The following AR variants were observed in gnomAD, a reference collection of about 807,000 sequenced individuals.
AR encodes dihydrotestosterone receptor.
In AR, 8 loss-of-function variants were observed where a neutral mutation model predicts 53.9. That is an observed-to-expected ratio of 0.15 (90% CI 0.09 to 0.27). The LOEUF (loss-of-function observed/expected upper bound fraction) is 0.27. Ranked by LOEUF, AR falls within the 10% of genes least tolerant of loss-of-function variation. The pLI, the probability that AR is intolerant of heterozygous loss-of-function variation, is 1.00. For missense variants in AR, 639 were observed against 742.5 expected (o/e 0.86, Z 1.62); for synonymous variants, 359 against 316.4 (o/e 1.13, Z -1.43).
At chrX:67,607,957 C>T (rs1923707384) in intron 1 of AR, among the ~76,000 whole-genome samples, 1 of 111,873 alleles carries the variant, frequency 8.9e-6, no homozygotes, top group East Asian at 2.8e-4. Context: ...CATGTGCAAG[C>T]TGAATTTGGG....
chrX:67,547,767 A>G (rs1444997436), intron 1 of AR, among the ~76,000 whole-genome samples: 1 of 111,802 alleles, frequency 8.9e-6, no homozygotes, highest in Non-Finnish European at 1.9e-5. Context: ...ACATGTTTGC[A>G]TTTTAGAATA....
At position 67,546,417 on chromosome X, in the gene AR, C is replaced by A. The variant is rs780162524; in HGVS notation, c.1271C>A (p.Ser424Tyr). Residue 424 changes from serine to tyrosine, a missense_variant, in exon 1 of 8, where the codon TCT becomes TAT. Physicochemically the swap from Ser to Tyr is moderately radical, Grantham distance 144. This residue lies in a region of AR where 423 missense variants were observed against 377.0 expected (regional missense o/e 1.12). Transcript: ENST00000374690. ...LHGAGAAGPG[S>Y]GSPSAAASSS... Reference sequence around the variant, plus strand: ...GGCGCGGGTGCAGCGGGACCCGGTTCTGGGTCACCCTCAGCCGCCGCTTCC... The same window carrying A: ...GGCGCGGGTGCAGCGGGACCCGGTTATGGGTCACCCTCAGCCGCCGCTTCC... The A allele has an allele frequency of 7.6e-6, 9 of 1,185,366 alleles. No individual in the cohort carries two copies. The South Asian group carries it at 1.3e-4, about 17-fold the overall frequency.
At chrX:67,652,367 A>T (rs1926384754) in intron 2 of AR, among the ~76,000 whole-genome samples, 1 of 111,760 alleles carries the variant, frequency 8.9e-6, no homozygotes, top group African/African-American at 3.3e-5. Flanking sequence ...TACTTACAGG[A>T]TGGTTGATTT....
intron 1 of AR, among the ~76,000 whole-genome samples, chrX:67,639,924 T>C: frequency 8.9e-6 from 1 of 111,760 alleles, no homozygotes; most frequent in South Asian, 3.8e-4. Flanking sequence ...CTTCCAGTTT[T>C]TGACCATTCA....
At chrX:67,566,134 A>AT (rs1304113412) in intron 1 of AR, among the ~76,000 whole-genome samples, 9 of 111,910 alleles carry the variant, frequency 8.0e-5, no homozygotes, top group Non-Finnish European at 1.5e-4. Flanking sequence ...ACTTGTGAAA[A>AT]TTTTTTTTCA....
intron 1 of AR, among the ~76,000 whole-genome samples, chrX:67,547,163 C>T (rs1329250289): frequency 1.8e-5 from 2 of 111,728 alleles, no homozygotes. Context: ...GCAATTTCTC[C>T]TCTTCAGGTC....
Position 67,545,042 on chromosome X carries a change from T to C in AR, c.-105T>C, listed in dbSNP as rs1329973565. The C allele has an allele frequency of 9.3e-7, 1 of 1,069,940 alleles. No homozygotes were observed. The highest frequency in any genetic ancestry group is 1.2e-6 in the Non-Finnish European group (1 of 816,773). The allele number at this position is 1,069,940 out of a possible 1,213,427, so 88.2% of individuals were successfully genotyped here. ...CTGGAGCTTCCCGCAGGTGGGCAGCTAGCTGCAGCGACTACCGCATCATCA... is the reference window on the plus strand; with the variant it reads ...CTGGAGCTTCCCGCAGGTGGGCAGCCAGCTGCAGCGACTACCGCATCATCA... On this transcript the variant is annotated 5_prime_UTR_variant, in exon 1 of 8. Transcript: ENST00000374690.
At chrX:67,647,556 G>A in intron 2 of AR, among the ~76,000 whole-genome samples, 1 of 111,999 alleles carries the variant, frequency 8.9e-6, no homozygotes, top group South Asian at 3.7e-4. Flanking sequence ...CTGCTAAGAG[G>A]ATCTGCTTGC....
At chrX:67,630,648 T>A (rs1925033443) in intron 1 of AR, among the ~76,000 whole-genome samples, 1 of 111,122 alleles carries the variant, frequency 9.0e-6, no homozygotes, top group African/African-American at 3.3e-5. Context: ...CATTTAAAGT[T>A]AATATTGTTA....
chrX:67,582,572 C>A (rs992998970), intron 1 of AR, among the ~76,000 whole-genome samples: 2 of 111,406 alleles, frequency 1.8e-5, no homozygotes, highest in Non-Finnish European at 3.8e-5. Flanking sequence ...CTCCAGAGGA[C>A]CTTTAAGCAT....
intron 2 of AR, among the ~76,000 whole-genome samples, chrX:67,683,875 G>GAA (rs201630209): frequency 3.2e-5 from 3 of 95,113 alleles, no homozygotes; most frequent in African/African-American, 1.1e-4. Flanking sequence ...GTTCCAAATT[G>GAA]AAAAAAAAAA....
intron 3 of AR, among the ~76,000 whole-genome samples, chrX:67,711,145 G>T (rs2076092037): frequency 8.9e-6 from 1 of 112,316 alleles, no homozygotes; most frequent in African/African-American, 3.2e-5. Flanking sequence ...TGGATCCAAG[G>T]ATATGCTAGG....
At chrX:67,599,784 A>G (rs913059636) in intron 1 of AR, among the ~76,000 whole-genome samples, 4 of 112,604 alleles carry the variant, frequency 3.6e-5, no homozygotes, top group Non-Finnish European at 7.5e-5. Flanking sequence ...ACAAAGCTGA[A>G]TGATGATTTG....
chrX:67,647,257 A>G (rs970875404), intron 2 of AR, among the ~76,000 whole-genome samples: 22 of 112,144 alleles, frequency 2.0e-4, no homozygotes, highest in African/African-American at 6.5e-4. Flanking sequence ...TCAAAGAATT[A>G]CACCATCCTC....
chrX:67,692,397 C>G (rs755912976), intron 3 of AR, among the ~76,000 whole-genome samples: 26 of 112,406 alleles, frequency 2.3e-4, no homozygotes, highest in Non-Finnish European at 9.4e-5. Flanking sequence ...AGGTGTGCAC[C>G]AAGGAGCAGA....
At chrX:67,598,959 A>G (rs1923212212) in intron 1 of AR, among the ~76,000 whole-genome samples, 1 of 111,260 alleles carries the variant, frequency 9.0e-6, no homozygotes, top group Non-Finnish European at 1.9e-5. Context: ...ATATGCAGCC[A>G]GTAGCCACTT....
At chrX:67,624,904 C>CA (rs140323582) in intron 1 of AR, among the ~76,000 whole-genome samples, 951 of 18,195 alleles carry the variant, frequency 0.052, 141 homozygotes, top group African/African-American at 0.16. Flanking sequence ...GGCAATTAGG[C>CA]AAAAAAAAAA....
At chrX:67,650,957 T>C (rs771431497) in intron 2 of AR, among the ~76,000 whole-genome samples, 2 of 111,749 alleles carry the variant, frequency 1.8e-5, no homozygotes, top group Admixed American at 1.9e-4. Context: ...ACAGAGTGCT[T>C]ACTACATATA....
intron 1 of AR, among the ~76,000 whole-genome samples, chrX:67,613,764 G>A (rs1569282735): frequency 1.8e-5 from 2 of 111,611 alleles, no homozygotes; most frequent in Admixed American, 1.9e-4. Context: ...CCTGACCAAG[G>A]GGCAACTCCT....
Sources: allele counts gnomAD v4.1 joint callset (sites outside exome capture counted in the v4.1 genomes callset), GRCh38; gene constraint gnomAD v4.1.1; regional missense constraint gnomAD v4.1.1; transcripts MANE v1.5; gene names NCBI Gene and HGNC (gene_info 2026-07-23, HGNC 2026-07-21).